Variants in MAN2B2 observed in about 807,000 individuals in gnomAD.
MAN2B2 encodes mannosidase alpha class 2B member 2, also known as epididymis-specific alpha-mannosidase.
Under a neutral mutation model 117.1 loss-of-function variants are expected in MAN2B2, and 106 were observed. That is an observed-to-expected ratio of 0.90 (90% CI 0.77 to 1.06). The LOEUF (loss-of-function observed/expected upper bound fraction) is 1.06. Among genes scored for constraint, MAN2B2 ranks in the 50% least tolerant of loss-of-function variants. The probability of loss-of-function intolerance (pLI) is 0.00; values close to 1 mark genes in which losing one functional copy is unlikely to be tolerated. For missense variants in MAN2B2, 1,326 were observed against 1,381.4 expected, an observed-to-expected ratio of 0.96 and a Z score of 0.64; for synonymous variants, 544 against 595.1, an observed-to-expected ratio of 0.91 and a Z score of 1.25.
chr4:6,605,450 C>T, intron 11 of MAN2B2, 121 bp downstream of exon 11: 2 of 1,112,824 alleles, frequency 1.8e-6, no homozygotes, highest in Non-Finnish European at 2.5e-6. Flanking sequence ...GGTGGTGAAA[C>T]CCCTTCCTGC....
chr4:6,593,430 C>A, intron 6 of MAN2B2, 80 bp downstream of exon 6: 1 of 1,391,150 alleles, frequency 7.2e-7, no homozygotes, highest in Non-Finnish European at 9.6e-7. Context: ...CACCCAGGGC[C>A]ACCCTATCCA....
At chr4:6,576,481 C>G in intron 1 of MAN2B2, 97 bp from the exon 2 acceptor site, 1 of 1,452,484 alleles carries the variant, frequency 6.9e-7, no homozygotes, top group Non-Finnish European at 9.5e-7. Context: ...AGGGCAGAGC[C>G]CCCAACCCCA....
In MAN2B2 at chr4:6,589,047, G is replaced by A; in HGVS notation, c.567G>A (p.Gly189=). ...TCATTCTTCTCCTCGGTTTGCAGGGGCTGCAGTTCGTGTGGCGAGGGTCCC... is the reference window on the plus strand; with the variant it reads ...TCATTCTTCTCCTCGGTTTGCAGGGACTGCAGTTCGTGTGGCGAGGGTCCC... ...DLKAAMQEAR[G]LQFVWRGSPS... The change falls in exon 5 of 19, where the codon GGG becomes GGA. Residue 189 remains glycine (G), a splice_region_variant and synonymous_variant. Coordinates refer to ENST00000285599, the MANE Select transcript of MAN2B2 (RefSeq NM_015274.3). 1 of 1,613,224 alleles carries A rather than the reference G, an allele frequency of 6.2e-7. No homozygotes were observed. Among genetic ancestry groups the A allele is most frequent in the Non-Finnish European group, 8.5e-7 (1 of 1,179,202 alleles).
At chr4:6,597,800 T>C (rs1440964563) in intron 8 of MAN2B2, among the ~76,000 whole-genome samples, 5 of 152,172 alleles carry the variant, frequency 3.3e-5, no homozygotes, top group African/African-American at 4.8e-5. Flanking sequence ...CCTACTGTAC[T>C]GATGGGAAAA....
At chr4:6,579,203 A>ACCCT (rs1726267842) in intron 3 of MAN2B2, among the ~76,000 whole-genome samples, 1 of 72,654 alleles carries the variant, frequency 1.4e-5, no homozygotes, top group South Asian at 6.6e-4. Flanking sequence ...CACCACCACC[A>ACCCT]TCACCATCAC....
chr4:6,587,144 G>C lies in MAN2B2; in HGVS notation c.540G>C (p.Leu180=). ...AHLGSRIDYD[L]KAAMQEARGL... ...TCGGCTCCCGGATCGACTACGACCT[G>C]AAGGCAGCCATGCAGGAGGCCCGGG... Residue 180 remains leucine (L), a synonymous_variant, in exon 4 of 19, where the codon CTG becomes CTC. Transcript: ENST00000285599. 1 of 1,613,466 alleles carries C rather than the reference G, an allele frequency of 6.2e-7. No homozygotes were observed. Among genetic ancestry groups the C allele is most frequent in the Non-Finnish European group, 8.5e-7 (1 of 1,179,862 alleles).
At chr4:6,607,811 G>A (rs559750930) in intron 11 of MAN2B2, among the ~76,000 whole-genome samples, 8 of 152,276 alleles carry the variant, frequency 5.3e-5, no homozygotes, top group Admixed American at 1.3e-4. Context: ...CTGCCCGACC[G>A]TTTTCCAAAG....
intron 11 of MAN2B2, among the ~76,000 whole-genome samples, chr4:6,606,261 C>T (rs370142200): frequency 3.3e-5 from 5 of 152,220 alleles, no homozygotes; most frequent in East Asian, 3.9e-4. Context: ...GCCCACAGAG[C>T]TCCAGGACTT....
chr4:6,605,981 T>C (rs562978112), intron 11 of MAN2B2, among the ~76,000 whole-genome samples: 4 of 152,368 alleles, frequency 2.6e-5, no homozygotes, highest in African/African-American at 9.6e-5. Flanking sequence ...AGTGGGCAGC[T>C]GACCTCCCAA....
chr4:6,621,115 G>C (rs1477166817), intron 18 of MAN2B2, 73 bp from the exon 19 acceptor site: 19 of 1,069,140 alleles, frequency 1.8e-5, no homozygotes, highest in Non-Finnish European at 2.6e-5. Context: ...CTGTAGACAG[G>C]TGCAGGGGGT....
At chr4:6,621,155 G>C in intron 18 of MAN2B2, 33 bp from the exon 19 acceptor site, 1 of 1,550,782 alleles carries the variant, frequency 6.4e-7, no homozygotes, top group Non-Finnish European at 8.9e-7. Context: ...GGCATCCCAG[G>C]CCACACTGGA....
intron 3 of MAN2B2, among the ~76,000 whole-genome samples, chr4:6,579,039 CCAT>C (rs1351428749): frequency 2.6e-4 from 26 of 98,794 alleles, no homozygotes; most frequent in Middle Eastern, 5.0e-3. Flanking sequence ...ACCACTACCA[CCAT>C]CACCACCATC....
intron 3 of MAN2B2, among the ~76,000 whole-genome samples, chr4:6,579,419 C>CCACCACCAT (rs1262776384): frequency 1.4e-5 from 2 of 140,478 alleles, no homozygotes; most frequent in Non-Finnish European, 3.1e-5. Flanking sequence ...ATCACCATCA[C>CCACCACCAT]CACCACCATC....
At chr4:6,608,879 C>T (rs1727645040) in intron 11 of MAN2B2, among the ~76,000 whole-genome samples, 1 of 152,208 alleles carries the variant, frequency 6.6e-6, no homozygotes, top group Admixed American at 6.5e-5. Flanking sequence ...TTCCTGTCTG[C>T]AGGCTCTGTC....
intron 8 of MAN2B2, 143 bp from the exon 9 acceptor site, chr4:6,598,052 CCTT>C: frequency 3.6e-6 from 3 of 832,334 alleles, no homozygotes; most frequent in Non-Finnish European, 5.6e-6. Flanking sequence ...CTCAGTTCCT[CCTT>C]CTGTAAAATG....
intron 11 of MAN2B2, among the ~76,000 whole-genome samples, chr4:6,607,148 A>G (rs1560657093): frequency 6.6e-6 from 1 of 152,170 alleles, no homozygotes; most frequent in Non-Finnish European, 1.5e-5. Flanking sequence ...CTGTTCATAC[A>G]ATATGTGGTC....
rs1727291755 is a variant in MAN2B2, at chr4:6,600,692, C to T, written c.1475C>T (p.Thr492Ile). ...GCCTGGACGGTCACCACCATCGTCA[C>T]CCTGACTGTTGGTTTCCCTGGAGTC... ...PLAWTVTTIV[T>I]LTVGFPGVRV... The change falls in exon 10 of 19, where the codon ACC becomes ATC. Residue 492 changes from threonine to isoleucine, a missense_variant. Coordinates refer to ENST00000285599, the MANE Select transcript of MAN2B2 (RefSeq NM_015274.3). 2.5e-6 allele frequency: 4 copies of T among 1,614,058 alleles called. No individual in the cohort carries two copies. The highest frequency in any genetic ancestry group is 3.4e-6 in the Non-Finnish European group (4 of 1,180,034).
chr4:6,614,257 C>G lies in MAN2B2; in HGVS notation c.2603C>G (p.Ala868Gly). Residue 868 changes from alanine (A) to glycine (G), a missense_variant, in exon 16 of 19, where the codon GCC becomes GGC. By Grantham distance (60) the Ala-to-Gly change is moderately conservative. Coordinates refer to ENST00000285599, the MANE Select transcript of MAN2B2 (RefSeq NM_015274.3). ...PKLPGPQQQEAVTLPPNLHLQ... is the reference protein window; with the variant it reads ...PKLPGPQQQEGVTLPPNLHLQ... ...CTCCCAGGACCCCAGCAGCAAGAGGCCGTGACGCTGCCCCCGAATCTTCAC... is the reference window on the plus strand; with the variant it reads ...CTCCCAGGACCCCAGCAGCAAGAGGGCGTGACGCTGCCCCCGAATCTTCAC... 6.2e-7 allele frequency: 1 copy of G among 1,614,098 alleles called. No individual in the cohort carries two copies. The highest frequency in any genetic ancestry group is 1.7e-4 in the Middle Eastern group (1 of 6,054).
At chr4:6,611,387 C>A in intron 15 of MAN2B2, 109 bp downstream of exon 15, 2 of 1,162,882 alleles carry the variant, frequency 1.7e-6, no homozygotes, top group Non-Finnish European at 1.2e-6. Context: ...AGCTTTTGGG[C>A]AGGAAGCGAC....
Sources: gnomAD v4.1 joint callset for allele counts (sites outside exome capture counted in the v4.1 genomes callset) on GRCh38, gnomAD v4.1.1 for gene constraint, MANE v1.5 for transcripts, NCBI Gene and HGNC (gene_info 2026-07-23, HGNC 2026-07-21) for gene names.